Variants in TNFRSF10B observed in about 807,000 individuals in gnomAD.
TNFRSF10B encodes the protein tumor necrosis factor receptor superfamily member 10B.
In TNFRSF10B, 35 loss-of-function variants were observed where a neutral mutation model predicts 41.4. The ratio of observed to expected loss-of-function variants is 0.85; its 90% CI spans 0.65 to 1.12. The LOEUF is 1.12. Among genes scored for constraint, TNFRSF10B ranks in the 50% most tolerant of loss-of-function variants. The pLI is 0.00. For synonymous variants in TNFRSF10B, 230 were observed against 215.5 expected, an observed-to-expected ratio of 1.07 and a Z score of -0.59; for missense variants, 584 against 552.7, an observed-to-expected ratio of 1.06 and a Z score of -0.57.
rs1482365946 is a variant in TNFRSF10B at position 23,022,400 on chromosome 8, A to T, written c.*271T>A. 1 of 594,896 alleles carries T rather than the reference A, an allele frequency of 1.7e-6. No homozygotes were observed. Among genetic ancestry groups the T allele is most frequent in the East Asian group, 3.7e-5 (1 of 26,880 alleles). The allele number at this position is 594,896 out of a possible 1,614,324, so 36.9% of individuals were successfully genotyped here. ...AAAAAAGTGCTGTGAAAACAATGAC[A>T]TCCCAAACCAAATCTCAAAGTACGC... is the stretch of plus-strand genomic sequence containing the variant. On this transcript the variant is annotated 3_prime_UTR_variant, in exon 9 of 9. Transcript: ENST00000276431.
intron 1 of TNFRSF10B, among the ~76,000 whole-genome samples, chr8:23,050,296 T>C (rs562361117): frequency 6.6e-6 from 1 of 151,188 alleles, no homozygotes; most frequent in South Asian, 2.1e-4. Context: ...TCCATTTGTT[T>C]GTGTGTCTGT....
chr8:23,025,966 C>G (rs1811691402), intron 7 of TNFRSF10B, among the ~76,000 whole-genome samples: 1 of 152,092 alleles, frequency 6.6e-6, no homozygotes, highest in Non-Finnish European at 1.5e-5. Context: ...GTTCCAGCTA[C>G]TCAGGAAGCT....
In TNFRSF10B at chr8:23,021,096, C is replaced by T. The variant is rs1301728830; in HGVS notation, c.*1575G>A. On this transcript the variant is annotated 3_prime_UTR_variant, in exon 9 of 9. Transcript: ENST00000276431. ...TTGAGACAGAAAAGACCAAAAACTCCTGGAATGACTACCTGCATAAATGAT... is the reference window on the plus strand; with the variant it reads ...TTGAGACAGAAAAGACCAAAAACTCTTGGAATGACTACCTGCATAAATGAT... 4.4e-6 allele frequency: 2 copies of T among 453,996 alleles called. No individual in the cohort carries two copies. Among genetic ancestry groups the T allele is most frequent in the African/African-American group, 2.0e-5 (1 of 49,988 alleles). The allele number at this position is 453,996 out of a possible 1,614,324, so 28.1% of individuals were successfully genotyped here. A position where few individuals can be genotyped will look rare whatever the true frequency, so the allele number is the denominator to read the frequency against.
intron 3 of TNFRSF10B, 64 bp from the exon 4 acceptor site, chr8:23,029,785 C>T: frequency 6.7e-7 from 1 of 1,495,754 alleles, no homozygotes; most frequent in African/African-American, 1.4e-5. Flanking sequence ...CCCTTCCTCC[C>T]CACCCCAAGA....
intron 1 of TNFRSF10B, among the ~76,000 whole-genome samples, chr8:23,066,138 C>A (rs1355873733): frequency 6.6e-6 from 1 of 151,710 alleles, no homozygotes; most frequent in Non-Finnish European, 1.5e-5. Flanking sequence ...CAAAAATTAG[C>A]CAGGTGTGGT....
chr8:23,038,530 T>A (rs1585213717), intron 2 of TNFRSF10B, among the ~76,000 whole-genome samples: 1 of 152,214 alleles, frequency 6.6e-6, no homozygotes, highest in Non-Finnish European at 1.5e-5. Context: ...CCTTCTCTTA[T>A]CCCCTTGTTA....
intron 1 of TNFRSF10B, among the ~76,000 whole-genome samples, chr8:23,066,431 C>CTTGA (rs1393084963): frequency 1.3e-5 from 2 of 152,032 alleles, no homozygotes; most frequent in Admixed American, 1.3e-4. Context: ...GATCAATGAA[C>CTTGA]TTGAAGAGCC....
Position 23,028,417 on chromosome 8 carries a change from G to GC in TNFRSF10B, c.661dup (p.Ala221GlyfsTer36). 1 of 1,614,216 alleles carries GC rather than the reference G, an allele frequency of 6.2e-7. No individual in the cohort carries two copies. Among genetic ancestry groups the GC allele is most frequent in the South Asian group, 1.1e-5 (1 of 91,086 alleles). ...CACAGCCACAATCAAGACTACGGCT[G>GC]CAACTGTGACTCCTATGATGATGCC... On this transcript the variant is annotated frameshift_variant, in exon 5 of 9. Coordinates refer to ENST00000276431, the MANE Select transcript of TNFRSF10B (RefSeq NM_003842.5). LOFTEE classifies it high-confidence loss of function.
At chr8:23,045,366 C>T (rs965798746) in intron 1 of TNFRSF10B, among the ~76,000 whole-genome samples, 22 of 152,140 alleles carry the variant, frequency 1.4e-4, no homozygotes, top group African/African-American at 5.1e-4. Context: ...ACACATACAA[C>T]CTACCAATAC....
chr8:23,047,107 G>A lies in TNFRSF10B; in HGVS notation c.145-3864C>T, dbSNP rs573715167. On this transcript the variant is annotated intron_variant, in intron 1 of 8. Coordinates refer to ENST00000276431, the MANE Select transcript of TNFRSF10B (RefSeq NM_003842.5). ...AAACAAAAGCAAAAATAGACAAATG[G>A]AATTATATCAACATAAGAAGTTTCT... Among the ~76,000 whole-genome samples, 71 of 152,204 alleles carry A rather than the reference G, an allele frequency of 4.7e-4. No individual in the cohort carries two copies. In the Middle Eastern group the frequency reaches 0.01, roughly 22 times the overall value.
chr8:23,055,712 A>G (rs1812644754), intron 1 of TNFRSF10B, among the ~76,000 whole-genome samples: 2 of 152,054 alleles, frequency 1.3e-5, no homozygotes, highest in Non-Finnish European at 2.9e-5. Flanking sequence ...GGCCTCCACA[A>G]ACAAGGGTAT....
Position 23,028,537 on chromosome 8 carries a change from T to C in TNFRSF10B, c.542A>G (p.Lys181Arg), listed in dbSNP as rs1811780966. ...TPWSDIECVHKESGTKHSGEV... is the reference protein window; with the variant it reads ...TPWSDIECVHRESGTKHSGEV... Reference sequence around the variant, plus strand: ...CCCACTGTGCTTTGTACCTGATTCTTTGTGGACACATTCGATGTCACTCCA... The same window carrying C: ...CCCACTGTGCTTTGTACCTGATTCTCTGTGGACACATTCGATGTCACTCCA... Residue 181 changes from lysine to arginine, a missense_variant, in exon 5 of 9, where the codon AAA becomes AGA. Transcript: ENST00000276431. 6.2e-7 allele frequency: 1 copy of C among 1,613,942 alleles called. No individual in the cohort carries two copies.
chr8:23,050,670 T>C (rs1051577129), intron 1 of TNFRSF10B, among the ~76,000 whole-genome samples: 4 of 152,204 alleles, frequency 2.6e-5, no homozygotes, highest in African/African-American at 9.7e-5. Context: ...GAAATGTCTT[T>C]GGGAAAAAAT....
At chr8:23,039,045 A>G (rs1023850160) in intron 2 of TNFRSF10B, among the ~76,000 whole-genome samples, 2 of 151,876 alleles carry the variant, frequency 1.3e-5, no homozygotes, top group East Asian at 3.9e-4. Flanking sequence ...CTGCAACTAG[A>G]TGGTCCTATC....
chr8:23,028,380 CT>C lies in TNFRSF10B; in HGVS notation c.698del (p.Lys233SerfsTer12). On this transcript the variant is annotated frameshift_variant, in exon 5 of 9. Coordinates refer to ENST00000276431, the MANE Select transcript of TNFRSF10B (RefSeq NM_003842.5). LOFTEE classifies it high-confidence loss of function. ...VVLIVAVFVC[K>X]SLLWKKVLPY... is the part of the protein sequence containing the mutation. Reference sequence around the variant, plus strand: ...GAAGGACTTTCTTCCACAGTAAAGACTTGCAAACAAACACAGCCACAATCAA... The same window carrying C: ...GAAGGACTTTCTTCCACAGTAAAGACTGCAAACAAACACAGCCACAATCAA... 6.2e-7 allele frequency: 1 copy of C among 1,614,190 alleles called. No homozygotes were observed. Among genetic ancestry groups the C allele is most frequent in the Non-Finnish European group, 8.5e-7 (1 of 1,180,020 alleles).
intron 2 of TNFRSF10B, among the ~76,000 whole-genome samples, chr8:23,040,725 A>C (rs1001371992): frequency 1.3e-5 from 2 of 151,946 alleles, no homozygotes; most frequent in Admixed American, 1.3e-4. Flanking sequence ...GAATGAGTAA[A>C]AACAAACGCA....
At chr8:23,062,286 T>A (rs569000461) in intron 1 of TNFRSF10B, among the ~76,000 whole-genome samples, 1 of 152,326 alleles carries the variant, frequency 6.6e-6, no homozygotes, top group African/African-American at 2.4e-5. Context: ...AGTGATGTGA[T>A]CTTGGCTCAC....
At chr8:23,024,349 G>A (rs1811638448) in intron 7 of TNFRSF10B, 89 bp from the exon 8 acceptor site, 4 of 1,372,240 alleles carry the variant, frequency 2.9e-6, no homozygotes, top group East Asian at 2.3e-5. Flanking sequence ...TCTGAGACCT[G>A]CAGCACGTCA....
rs1563329063 is a variant in TNFRSF10B at position 23,068,992 on chromosome 8, CG to C, written c.-99del. The C allele has an allele frequency of 6.3e-7, 1 of 1,582,778 alleles. No individual in the cohort carries two copies. Among genetic ancestry groups the C allele is most frequent in the South Asian group, 1.1e-5 (1 of 89,308 alleles). On this transcript the variant is annotated 5_prime_UTR_variant, in exon 1 of 9. Transcript: ENST00000276431. The stretch of plus-strand genomic sequence containing the variant: ...GTGTATTTTGTGGGCGCAGAGATTG[CG>C]GGGTTCTCCGGCCGCGTGCTGATTT...
Sources: allele counts gnomAD v4.1 joint callset (sites outside exome capture counted in the v4.1 genomes callset), GRCh38; gene constraint gnomAD v4.1.1; transcripts MANE v1.5; gene names NCBI Gene and HGNC (gene_info 2026-07-23, HGNC 2026-07-21).